Variants in HPS4 observed in about 807,000 individuals in gnomAD.
HPS4 encodes HPS4 biogenesis of lysosomal organelles complex 3 subunit 2, also known as BLOC-3 complex member HPS4.
HPS4 carries 44 observed loss-of-function variants against 70.3 expected under a neutral mutation model. That is an observed-to-expected ratio of 0.63 (90% CI 0.49 to 0.80). HPS4 has a LOEUF of 0.80. Among genes scored for constraint, HPS4 ranks in the 30% least tolerant of loss-of-function variants. HPS4 has a pLI of 0.00. For missense variants in HPS4, 873 were observed against 884.4 expected, an observed-to-expected ratio of 0.99 and a Z score of 0.16; for synonymous variants, 377 against 355.9, an observed-to-expected ratio of 1.06 and a Z score of -0.67.
At position 26,463,897 on chromosome 22, in the gene HPS4, GA is replaced by G. The variant is rs748839497; in HGVS notation, c.1713+19del. The G allele has an allele frequency of 1.5e-5, 24 of 1,611,286 alleles. No homozygotes were observed. Among genetic ancestry groups the G allele is most frequent in the Non-Finnish European group, 2.0e-5 (24 of 1,179,438 alleles). On this transcript the variant is annotated intron_variant, in intron 11 of 13. Transcript: ENST00000398145. ...CGGCAGAGGCCGCAGAGGGGCAGGA[GA>G]AGGTCTGAGGACACTCACCACTTCC...
At position 26,452,004 on chromosome 22, in the gene HPS4, G is replaced by GCGCGCGCACACACACACA. The variant is rs886057307; in HGVS notation, c.*1228_*1229insTGTGTGTGTGTGCGCGCG. The GCGCGCGCACACACACACA allele has an allele frequency of 9.5e-6, 1 of 105,716 alleles. No individual in the cohort carries two copies. Among genetic ancestry groups the GCGCGCGCACACACACACA allele is most frequent in the African/African-American group, 4.6e-5 (1 of 21,956 alleles). The allele number at this position is 105,716 out of a possible 1,614,324, so 6.5% of individuals were successfully genotyped here. A position where few individuals can be genotyped will look rare whatever the true frequency, so the allele number is the denominator to read the frequency against. On this transcript the variant is annotated 3_prime_UTR_variant, in exon 14 of 14. Transcript: ENST00000398145. The stretch of plus-strand genomic sequence containing the variant: ...CCACGTTACGCGCGCGCGCGCGCGC[G>GCGCGCGCACACACACACA]CACACACACACACACACACACACAC...
chr22:26,449,706 C>G (rs1428829591), downstream of HPS4, among the ~76,000 whole-genome samples: 1 of 152,196 alleles, frequency 6.6e-6, no homozygotes, highest in Non-Finnish European at 1.5e-5. Context: ...TTCTCACGCC[C>G]TCCGTGCTCT....
intron 9 of HPS4, 186 bp from the exon 10 acceptor site, chr22:26,465,737 G>A: frequency 1.6e-6 from 1 of 613,050 alleles, no homozygotes; most frequent in Non-Finnish European, 2.9e-6. Context: ...AGTAAGGAAA[G>A]AGTCCCTGCA....
chr22:26,454,504 G>T (rs2085737195), intron 13 of HPS4, among the ~76,000 whole-genome samples: 1 of 152,196 alleles, frequency 6.6e-6, no homozygotes, highest in South Asian at 2.1e-4. Flanking sequence ...CATTGTGAGT[G>T]GTTAAGAAAT....
intron 7 of HPS4, 46 bp from the exon 8 acceptor site, chr22:26,468,669 C>G (rs1422826226): frequency 6.5e-7 from 1 of 1,542,942 alleles, no homozygotes; most frequent in African/African-American, 1.4e-5. Context: ...ACGAAATACA[C>G]CAAAACACTC....
At chr22:26,458,412 C>T (rs775972251) in intron 12 of HPS4, 33 bp downstream of exon 12, 72 of 1,613,594 alleles carry the variant, frequency 4.5e-5, no homozygotes, top group Non-Finnish European at 5.9e-5. Context: ...ATCTGGCATC[C>T]CCGTCGCCCC....
chr22:26,446,372 C>T (rs117355763), downstream of HPS4, among the ~76,000 whole-genome samples: 1 of 151,044 alleles, frequency 6.6e-6, no homozygotes, highest in South Asian at 2.1e-4. Flanking sequence ...ACTTGTAACA[C>T]TGAGTGCTCC....
At chr22:26,469,437 G>A (rs1165088995) in intron 7 of HPS4, among the ~76,000 whole-genome samples, 5 of 152,218 alleles carry the variant, frequency 3.3e-5, no homozygotes. Context: ...AACAAAGCAA[G>A]ACTGTGTCTC....
chr22:26,447,312 G>A (rs371170926), downstream of HPS4, among the ~76,000 whole-genome samples: 1 of 152,246 alleles, frequency 6.6e-6, no homozygotes, highest in Non-Finnish European at 1.5e-5. Context: ...GGCAAGCGGG[G>A]CCTGCGCTGT....
Position 26,464,714 on chromosome 22 carries a change from A to G in HPS4, c.916T>C (p.Trp306Arg), listed in dbSNP as rs1403584969. The G allele has an allele frequency of 2.5e-6, 4 of 1,603,446 alleles. No individual in the cohort carries two copies. In the Admixed American group the frequency reaches 5.1e-5, roughly 20 times the overall value. ...NATGHVESMA[W>R]TTPDPTSPDE... is the part of the protein sequence containing the mutation. Reference sequence around the variant, plus strand: ...GGGGATGTGGGATCTGGGGTGGTCCAGGCCATGGATTCCACATGGCCAGTG... The same window carrying G: ...GGGGATGTGGGATCTGGGGTGGTCCGGGCCATGGATTCCACATGGCCAGTG... The change falls in exon 11 of 14, where the codon TGG becomes CGG. Residue 306 changes from tryptophan to arginine, a missense_variant. Trp to Arg is a moderately radical substitution (Grantham distance 101, BLOSUM62 -3). Coordinates refer to ENST00000398145, the MANE Select transcript of HPS4 (RefSeq NM_022081.6).
chr22:26,451,994 G>GCA lies in HPS4; in HGVS notation c.*1238_*1239insTG, dbSNP rs753115022. The GCA allele has an allele frequency of 3.2e-4, 23 of 71,842 alleles. No individual in the cohort carries two copies. The highest frequency in any genetic ancestry group is 1.3e-3 in the East Asian group (2 of 1,538). 4.5% of individuals were successfully genotyped at this position (71,842 alleles called of 1,614,324 possible). A position where few individuals can be genotyped will look rare whatever the true frequency, so the allele number is the denominator to read the frequency against. On this transcript the variant is annotated 3_prime_UTR_variant, in exon 14 of 14. Coordinates refer to ENST00000398145, the MANE Select transcript of HPS4 (RefSeq NM_022081.6). The stretch of plus-strand genomic sequence containing the variant: ...AGGGATGCGCCCACGTTACGCGCGC[G>GCA]CGCGCGCGCGCACACACACACACAC...
rs568012149 is a variant in HPS4, at chr22:26,459,305, T to G, written c.1714-728A>C. On this transcript the variant is annotated intron_variant, in intron 11 of 13. Transcript: ENST00000398145. Reference sequence around the variant, plus strand: ...TCAAGGAGATGGGTTCAAGTACCTGTATTTTTACAAACCTCCAAGGAGATA... The same window carrying G: ...TCAAGGAGATGGGTTCAAGTACCTGGATTTTTACAAACCTCCAAGGAGATA... Among the ~76,000 whole-genome samples the G allele has an allele frequency of 9.2e-5, 14 of 152,368 alleles. No individual in the cohort carries two copies. In the South Asian group the frequency reaches 2.7e-3, roughly 29 times the overall value.
chr22:26,478,578 A>AG (rs1309452559), intron 3 of HPS4, among the ~76,000 whole-genome samples: 1 of 151,806 alleles, frequency 6.6e-6, no homozygotes, highest in Non-Finnish European at 1.5e-5. Flanking sequence ...CACAAAAAAA[A>AG]AAAAAAAAAA....
At chr22:26,443,211 AT>A, downstream of HPS4, 1 of 1,613,360 alleles carries the variant, frequency 6.2e-7, no homozygotes, top group Non-Finnish European at 8.5e-7. Context: ...CGATGAGAGT[AT>A]TTCCCATGCT....
chr22:26,478,180 G>C (rs2090814221), intron 3 of HPS4, among the ~76,000 whole-genome samples: 2 of 152,102 alleles, frequency 1.3e-5, no homozygotes, highest in Non-Finnish European at 2.9e-5. Context: ...TTTTCAGTTA[G>C]AGATGTTGCT....
Position 26,473,387 on chromosome 22 carries a change from G to C in HPS4, c.277-448C>G, listed in dbSNP as rs2146830611. ...AATGGCCATCATGTTTCTCCAGCTG[G>C]ATAGAGTGCTTTAAGAGCAAGAACT... On this transcript the variant is annotated intron_variant, in intron 4 of 13. Transcript: ENST00000398145. 2.0e-5 allele frequency among the ~76,000 whole-genome samples: 3 copies of C among 152,300 alleles called. No individual in the cohort carries two copies. The Middle Eastern group carries it at 0.01, about 518-fold the overall frequency.
chr22:26,472,473 T>C, intron 5 of HPS4, 55 bp from the exon 6 acceptor site: 1 of 1,153,088 alleles, frequency 8.7e-7, no homozygotes, highest in South Asian at 1.2e-5. Flanking sequence ...ACAGATTCTT[T>C]GGCCAGAGTC....
In HPS4 at chr22:26,483,755, T is replaced by G. The variant is rs1437001410; in HGVS notation, c.-560A>C. 1 of 544,618 alleles carries G rather than the reference T, an allele frequency of 1.8e-6. No homozygotes were observed. The highest frequency in any genetic ancestry group is 2.0e-5 in the African/African-American group (1 of 50,054). The allele number at this position is 544,618 out of a possible 1,614,324, so 33.7% of individuals were successfully genotyped here. ...GCAGCAGCTGGGTACCTGCGACTTC[T>G]GCCCCGTACCTGCGCGCGCGGCAGA... On this transcript the variant is annotated 5_prime_UTR_variant, in exon 1 of 14. Coordinates refer to ENST00000398145, the MANE Select transcript of HPS4 (RefSeq NM_022081.6).
rs949903292 is a variant in HPS4, at chr22:26,452,409, GCA to G, written c.*822_*823del. The G allele has an allele frequency of 5.5e-5, 25 of 454,488 alleles. No homozygotes were observed. The highest frequency in any genetic ancestry group is 5.0e-4 in the African/African-American group (25 of 49,844). 28.2% of individuals were successfully genotyped at this position (454,488 alleles called of 1,614,324 possible). A position where few individuals can be genotyped will look rare whatever the true frequency, so the allele number is the denominator to read the frequency against. Reference sequence around the variant, plus strand: ...CCTTTCACGCAGCCACCACTGAAAAGCACAGTGCTTTTACCCCCAGACATCTT... The same window carrying G: ...CCTTTCACGCAGCCACCACTGAAAAGCAGTGCTTTTACCCCCAGACATCTT... On this transcript the variant is annotated 3_prime_UTR_variant, in exon 14 of 14. Coordinates refer to ENST00000398145, the MANE Select transcript of HPS4 (RefSeq NM_022081.6).
Sources: gnomAD v4.1 joint callset for allele counts (sites outside exome capture counted in the v4.1 genomes callset) on GRCh38, gnomAD v4.1.1 for gene constraint, MANE v1.5 for transcripts, NCBI Gene and HGNC (gene_info 2026-07-23, HGNC 2026-07-21) for gene names.